Variants in VAT1L observed in about 807,000 individuals in gnomAD.
VAT1L encodes putative NADPH-dependent quinone oxidoreductase VAT1L.
Under a neutral mutation model 44.1 loss-of-function variants are expected in VAT1L, and 34 were observed. That is an observed-to-expected ratio of 0.77 (90% CI 0.59 to 1.03). The LOEUF is 1.03. Among genes scored for constraint, VAT1L ranks in the 50% least tolerant of loss-of-function variants. VAT1L has a pLI of 0.00. For synonymous variants in VAT1L, 253 were observed against 202.2 expected (o/e 1.25, Z -2.13); for missense variants, 615 against 538.8 (o/e 1.14, Z -1.40).
Position 77,805,865 on chromosome 16 carries a change from CT to C in VAT1L, c.234-11041del, listed in dbSNP as rs10689119. ...GTGTTATTTTTTCCTTAGTCTCTGC[CT>C]TTTTTTTTTTTTTTGAGATGGAGTC... On this transcript the variant is annotated intron_variant, in intron 1 of 8. Transcript: ENST00000302536. Among the ~76,000 whole-genome samples the C allele has an allele frequency of 5.6e-3, 441 of 78,832 alleles. 23 individuals carry two copies. Among genetic ancestry groups the C allele is most frequent in the African/African-American group, 0.014 (389 of 27,046 alleles). 51.7% of individuals were successfully genotyped at this position (78,832 alleles called of 152,430 possible).
Position 77,884,452 on chromosome 16 carries a change from A to T in VAT1L, c.883-156A>T, listed in dbSNP as rs1034230355. ...AATAAAAATAAAAAATAAAATAAAA[A>T]AATACACCACCAAGAGCAACCCCTT... On this transcript the variant is annotated intron_variant, in intron 6 of 8. Coordinates refer to ENST00000302536, the MANE Select transcript of VAT1L (RefSeq NM_020927.3). The surrounding 1 kb of genome is among the most constrained non-coding windows in gnomAD (Gnocchi z 4.5). Among the ~76,000 whole-genome samples the T allele has an allele frequency of 6.6e-6, 1 of 151,936 alleles. No homozygotes were observed. Among genetic ancestry groups the T allele is most frequent in the African/African-American group, 2.4e-5 (1 of 41,374 alleles).
chr16:77,963,855 GCAAT>G (rs1411652889), intron 7 of VAT1L, among the ~76,000 whole-genome samples: 1 of 152,168 alleles, frequency 6.6e-6, no homozygotes, highest in African/African-American at 2.4e-5. Flanking sequence ...ATGATTTGAA[GCAAT>G]CAGAGACGAG....
At chr16:77,800,170 A>G (rs1414211725) in intron 1 of VAT1L, 1 of 152,192 alleles carries the variant, frequency 6.6e-6, no homozygotes, top group Non-Finnish European at 1.5e-5. Context: ...TCCTTAACAC[A>G]GTCTATTCTC....
At chr16:77,826,029 AAAAGAAAAAAAAAAAAAAAAG>A (rs1293399466) in intron 3 of VAT1L, among the ~76,000 whole-genome samples, 5 of 81,936 alleles carry the variant, frequency 6.1e-5, no homozygotes, top group Admixed American at 3.6e-4. Flanking sequence ...TCTCAAAAAA[AAAAGAAAAAAAAAAAAAAAAG>A]AAAGAAATTA....
At chr16:77,902,262 T>C (rs2017390794) in intron 7 of VAT1L, among the ~76,000 whole-genome samples, 1 of 152,238 alleles carries the variant, frequency 6.6e-6, no homozygotes, top group South Asian at 2.1e-4. Context: ...AAATGCATGG[T>C]AATATTCATT....
At chr16:77,844,845 C>CGT (rs2016743156) in intron 3 of VAT1L, among the ~76,000 whole-genome samples, 1 of 144,148 alleles carries the variant, frequency 6.9e-6, no homozygotes, top group Non-Finnish European at 1.5e-5. Flanking sequence ...ACGATAAATA[C>CGT]GTGTGTGTGC....
rs547252224 is a variant in VAT1L at position 77,788,848 on chromosome 16, C to T, written c.166C>T (p.Leu56=). ...GGCTGGCTTCGGGGGGCTCAACAAGCTGCGGCTCTTCAGGAAGGCCATGCC... is the reference window on the plus strand; with the variant it reads ...GGCTGGCTTCGGGGGGCTCAACAAGTTGCGGCTCTTCAGGAAGGCCATGCC... ...VLAGFGGLNK[L]RLFRKAMPEP... is the part of the protein sequence containing the mutation. The change falls in exon 1 of 9, where the codon CTG becomes TTG. Residue 56 remains leucine (L), a synonymous_variant. Transcript: ENST00000302536. 1 of 1,579,240 alleles carries T rather than the reference C, an allele frequency of 6.3e-7. No homozygotes were observed. The highest frequency in any genetic ancestry group is 1.8e-5 in the Admixed American group (1 of 54,184).
At chr16:77,975,799 C>A (rs1309851060) in intron 8 of VAT1L, among the ~76,000 whole-genome samples, 1 of 152,212 alleles carries the variant, frequency 6.6e-6, no homozygotes, top group South Asian at 2.1e-4. Flanking sequence ...TGCCTCCAGA[C>A]CCCACAGTAC....
intron 4 of VAT1L, among the ~76,000 whole-genome samples, chr16:77,873,413 A>T (rs2017052687): frequency 6.6e-6 from 1 of 152,208 alleles, no homozygotes; most frequent in Admixed American, 6.5e-5. Context: ...GGAAGCACAC[A>T]TATAGAGACA....
rs540148093 is a variant in VAT1L, at chr16:77,963,059, T to C, written c.1078-8791T>C. 1.1e-3 allele frequency among the ~76,000 whole-genome samples: 170 copies of C among 152,306 alleles called. 2 individuals carry two copies. Among genetic ancestry groups the C allele is most frequent in the Non-Finnish European group, 4.4e-4 (30 of 68,034 alleles). On this transcript the variant is annotated intron_variant, in intron 7 of 8. Transcript: ENST00000302536. ...CCTCAAGTTTTCTCCTAAAGAGGCT[T>C]CTAGTGGATCCAGTAACTGTGTCAG...
At chr16:77,936,596 A>G (rs2017799683) in intron 7 of VAT1L, among the ~76,000 whole-genome samples, 1 of 152,184 alleles carries the variant, frequency 6.6e-6, no homozygotes, top group Non-Finnish European at 1.5e-5. Flanking sequence ...AAAGGAAAAA[A>G]AGGGGAAACA....
rs1197916087 is a variant in VAT1L at position 77,879,017 on chromosome 16, A to G, written c.827-152A>G. The G allele has an allele frequency of 3.0e-6, 2 of 677,452 alleles. No homozygotes were observed. The highest frequency in any genetic ancestry group is 3.6e-5 in the African/African-American group (2 of 55,362). The allele number at this position is 677,452 out of a possible 1,614,324, so 42.0% of individuals were successfully genotyped here. ...GCTAACATAGTCAACTTTATGCCTCATTCTCATTCCCCTCACTTTGCCAAG... is the reference window on the plus strand; with the variant it reads ...GCTAACATAGTCAACTTTATGCCTCGTTCTCATTCCCCTCACTTTGCCAAG... On this transcript the variant is annotated intron_variant, in intron 5 of 8. Coordinates refer to ENST00000302536, the MANE Select transcript of VAT1L (RefSeq NM_020927.3). This position sits in a 1 kb window ranked among gnomAD's most constrained non-coding sequence, Gnocchi z 4.1.
At chr16:77,898,610 G>A (rs577321723) in intron 7 of VAT1L, among the ~76,000 whole-genome samples, 3 of 150,470 alleles carry the variant, frequency 2.0e-5, no homozygotes, top group South Asian at 4.2e-4. Flanking sequence ...GAGGCTGTGT[G>A]TGCAGGGCTT....
At chr16:77,800,595 C>T (rs1014915289) in intron 1 of VAT1L, 1 of 152,220 alleles carries the variant, frequency 6.6e-6, no homozygotes, top group Non-Finnish European at 1.5e-5. Flanking sequence ...GATCCTGAAC[C>T]TTTCCTATTG....
chr16:77,956,882 A>G (rs1182605970), intron 7 of VAT1L, among the ~76,000 whole-genome samples: 1 of 152,194 alleles, frequency 6.6e-6, no homozygotes, highest in Non-Finnish European at 1.5e-5. Flanking sequence ...TTTGCAGCCT[A>G]GGAACCCTAG....
intron 7 of VAT1L, among the ~76,000 whole-genome samples, chr16:77,895,503 A>G (rs773077422): frequency 5.3e-5 from 8 of 152,152 alleles, no homozygotes; most frequent in Admixed American, 2.0e-4. Context: ...TTGGAGTCAG[A>G]GGAGCAGATG....
At chr16:77,976,487 A>G (rs764675299) in intron 8 of VAT1L, among the ~76,000 whole-genome samples, 6 of 152,160 alleles carry the variant, frequency 3.9e-5, no homozygotes, top group Non-Finnish European at 7.3e-5. Flanking sequence ...GTGAGACAAC[A>G]TGGGGAGAGC....
chr16:77,856,696 G>A (rs2016862935), intron 3 of VAT1L, among the ~76,000 whole-genome samples: 1 of 152,186 alleles, frequency 6.6e-6, no homozygotes, highest in African/African-American at 2.4e-5. Context: ...TCTGCAATAA[G>A]GATTGAGTTG....
At chr16:77,939,523 G>A (rs1281269559) in intron 7 of VAT1L, among the ~76,000 whole-genome samples, 10 of 152,172 alleles carry the variant, frequency 6.6e-5, no homozygotes, top group Non-Finnish European at 1.5e-5. Context: ...TAACAGTTAT[G>A]TGCTAGAAAT....
Sources: gnomAD v4.1 joint callset for allele counts (sites outside exome capture counted in the v4.1 genomes callset) on GRCh38, gnomAD v4.1.1 for gene constraint, Gnocchi (gnomAD v3.1) non-coding constraint, MANE v1.5 for transcripts, NCBI Gene and HGNC (gene_info 2026-07-23, HGNC 2026-07-21) for gene names.